OR56A3: variants seen among roughly 807,000 people sequenced by gnomAD.
OR56A3 encodes olfactory receptor family 56 subfamily A member 3, also known as olfactory receptor 56A3.
A neutral mutation model predicts 17.5 loss-of-function variants in OR56A3; 23 were observed. That is an observed-to-expected ratio of 1.32 (90% CI 0.95 to 1.87). The LOEUF (loss-of-function observed/expected upper bound fraction) is 1.87, where lower values mean the gene tolerates loss of function less well. Among genes scored for constraint, OR56A3 ranks in the 40% most tolerant of loss-of-function variants. The pLI, the probability that OR56A3 is intolerant of heterozygous loss-of-function variation, is 0.00. For missense variants in OR56A3, 366 were observed against 380.1 expected (o/e 0.96, Z 0.31); for synonymous variants, 175 against 150.6 (o/e 1.16, Z -1.19).
the OR56A3 span, among the ~76,000 whole-genome samples, chr11:5,984,731 A>G: frequency 6.6e-6 from 1 of 152,242 alleles, no homozygotes; most frequent in African/African-American, 2.4e-5. Flanking sequence ...AGCCTCTCAG[A>G]CAGAGTACTA....
At chr11:6,021,954 G>T in the OR56A3 span, 1 of 152,118 alleles carries the variant, frequency 6.6e-6, no homozygotes, top group Non-Finnish European at 1.5e-5. Flanking sequence ...CATTAATAGA[G>T]AGACAGAATA....
Position 5,947,303 on chromosome 11 carries a change from T to C in OR56A3, c.-36-8T>C, listed in dbSNP as rs943061940. On this transcript the variant is annotated splice_polypyrimidine_tract_variant and splice_region_variant and intron_variant, in intron 2 of 2. Transcript: ENST00000641160. ...ATCCACAGCTAGTTTGTAATCATAATTTTCCAGATCACTGAAAGAAAGCAG... is the reference window on the plus strand; with the variant it reads ...ATCCACAGCTAGTTTGTAATCATAACTTTCCAGATCACTGAAAGAAAGCAG... 1 of 1,495,168 alleles carries C rather than the reference T, an allele frequency of 6.7e-7. No individual in the cohort carries two copies. The highest frequency in any genetic ancestry group is 9.0e-7 in the Non-Finnish European group (1 of 1,105,830). 92.6% of individuals were successfully genotyped at this position (1,495,168 alleles called of 1,614,324 possible).
chr11:5,996,244 A>G, the OR56A3 span, among the ~76,000 whole-genome samples: 2 of 152,230 alleles, frequency 1.3e-5, no homozygotes, highest in South Asian at 4.1e-4. Flanking sequence ...ATGTGTGTGT[A>G]TATATTACAT....
At chr11:5,988,808 T>C in the OR56A3 span, among the ~76,000 whole-genome samples, 1 of 152,206 alleles carries the variant, frequency 6.6e-6, no homozygotes, top group Non-Finnish European at 1.5e-5. Flanking sequence ...ACCCTTGAAA[T>C]TTACTAAAAG....
chr11:5,945,335 G>A (rs1036471430), intron 2 of OR56A3, among the ~76,000 whole-genome samples: 1 of 152,128 alleles, frequency 6.6e-6, no homozygotes, highest in Non-Finnish European at 1.5e-5. Flanking sequence ...AGCACTTTGG[G>A]AGGCTGAGGT....
At chr11:5,977,962 A>T in the OR56A3 span, among the ~76,000 whole-genome samples, 1 of 152,186 alleles carries the variant, frequency 6.6e-6, no homozygotes, top group African/African-American at 2.4e-5. Context: ...TCGAATAGGG[A>T]AACTTTCCCC....
chr11:6,004,496 T>C, the OR56A3 span, among the ~76,000 whole-genome samples: 1 of 152,240 alleles, frequency 6.6e-6, no homozygotes, highest in Non-Finnish European at 1.5e-5. Flanking sequence ...AGACTTTAGC[T>C]GCCAGAGAAG....
chr11:6,019,984 A>G, the OR56A3 span: 1 of 152,134 alleles, frequency 6.6e-6, no homozygotes, highest in Non-Finnish European at 1.5e-5. Flanking sequence ...AATAGGACAC[A>G]GTCTTAATTC....
At chr11:5,968,335 G>A in the OR56A3 span, 1 of 1,613,512 alleles carries the variant, frequency 6.2e-7, no homozygotes, top group African/African-American at 1.3e-5. Flanking sequence ...GAGGCTTCCA[G>A]ATAGATGGTG....
chr11:5,958,070 T>C, the OR56A3 span, among the ~76,000 whole-genome samples: 1 of 152,208 alleles, frequency 6.6e-6, no homozygotes, highest in Admixed American at 6.5e-5. Flanking sequence ...TGACAAATTG[T>C]AGAGGTATAT....
the OR56A3 span, chr11:6,000,198 G>A: frequency 6.6e-6 from 1 of 152,290 alleles, no homozygotes; most frequent in East Asian, 1.9e-4. Context: ...CAATAGCAAA[G>A]ACTTGGAACC....
In OR56A3 at chr11:5,948,874, T is replaced by A. The variant is rs969292698; in HGVS notation, c.*580T>A. 1 of 153,448 alleles carries A rather than the reference T, an allele frequency of 6.5e-6. No homozygotes were observed. Among genetic ancestry groups the A allele is most frequent in the Non-Finnish European group, 1.5e-5 (1 of 68,964 alleles). 9.5% of individuals were successfully genotyped at this position (153,448 alleles called of 1,614,324 possible). A position where few individuals can be genotyped will look rare whatever the true frequency, so the allele number is the denominator to read the frequency against. On this transcript the variant is annotated 3_prime_UTR_variant, in exon 3 of 3. Coordinates refer to ENST00000641160, the MANE Select transcript of OR56A3 (RefSeq NM_001003443.3). Reference sequence around the variant, plus strand: ...TCCTTCTCTTTCTCTGGAAGACAAGTAAATTTTTGTAATGTGCATTGCAAG... The same window carrying A: ...TCCTTCTCTTTCTCTGGAAGACAAGAAAATTTTTGTAATGTGCATTGCAAG...
downstream of OR56A3, among the ~76,000 whole-genome samples, chr11:5,956,275 T>C (rs1847931628): frequency 6.6e-6 from 1 of 152,224 alleles, no homozygotes; most frequent in East Asian, 1.9e-4. Context: ...AAGAACAGAT[T>C]TTATATTTTA....
the OR56A3 span, among the ~76,000 whole-genome samples, chr11:5,973,805 G>C: frequency 3.9e-5 from 6 of 152,204 alleles, no homozygotes; most frequent in African/African-American, 1.4e-4. Context: ...TTCCAGTTCA[G>C]ATAATAGTAG....
chr11:5,985,139 A>G, the OR56A3 span, among the ~76,000 whole-genome samples: 2 of 152,156 alleles, frequency 1.3e-5, no homozygotes, highest in Non-Finnish European at 2.9e-5. Context: ...ATGTTTACCA[A>G]CACCGGGATC....
downstream of OR56A3, among the ~76,000 whole-genome samples, chr11:5,955,506 A>AAAAGTTTAGAGCAGGAATG (rs1240550408): frequency 6.6e-6 from 1 of 152,154 alleles, no homozygotes; most frequent in Admixed American, 6.5e-5. Flanking sequence ...ATGTTTATTA[A>AAAAGTTTAGAGCAGGAATG]AAAGTTTAGA....
At chr11:5,970,686 A>G in the OR56A3 span, among the ~76,000 whole-genome samples, 1 of 151,908 alleles carries the variant, frequency 6.6e-6, no homozygotes, top group African/African-American at 2.4e-5. Context: ...GGTGATAAAA[A>G]GGAAAAAAAA....
Position 5,947,377 on chromosome 11 carries a change from A to G in OR56A3, c.31A>G (p.Thr11Ala). The G allele has an allele frequency of 1.2e-6, 2 of 1,611,624 alleles. No individual in the cohort carries two copies. Among genetic ancestry groups the G allele is most frequent in the Non-Finnish European group, 1.7e-6 (2 of 1,178,310 alleles). Residue 11 changes from threonine to alanine, a missense_variant, in exon 3 of 3, where the codon ACT becomes GCT. Thr to Ala is a moderately conservative substitution (Grantham distance 58). Transcript: ENST00000641160. ...AACACACCGAAATGACACCCTCTCC[A>G]CTGAAGCTTCAGACTTCCTCTTGAA... Reference protein sequence around the residue: MTTHRNDTLSTEASDFLLNCF... With the variant: MTTHRNDTLSAEASDFLLNCF...
chr11:5,999,656 A>C, the OR56A3 span: 5 of 152,340 alleles, frequency 3.3e-5, no homozygotes, highest in East Asian at 9.6e-4. Flanking sequence ...ATAAGATTTT[A>C]TTGTTGTTTC....
Sources: gnomAD v4.1 joint callset for allele counts (sites outside exome capture counted in the v4.1 genomes callset) on GRCh38, gnomAD v4.1.1 for gene constraint, MANE v1.5 for transcripts, NCBI Gene and HGNC (gene_info 2026-07-23, HGNC 2026-07-21) for gene names.